Variants in UQCC6 observed in about 807,000 individuals in gnomAD.
The protein encoded by UQCC6 is ubiquinol-cytochrome c reductase complex assembly factor 6.
chr12:103,957,037 G>T, the UQCC6 span: 1 of 410,466 alleles, frequency 2.4e-6, no homozygotes, highest in Non-Finnish European at 4.5e-6. Flanking sequence ...GCGGAAAACC[G>T]ATACCAGGTC....
the UQCC6 span, chr12:103,951,307 C>A: frequency 2.4e-6 from 1 of 414,014 alleles, no homozygotes; most frequent in Non-Finnish European, 4.3e-6. Flanking sequence ...ATCTTCCAAA[C>A]CATATTCATG....
At chr12:103,954,367 T>C in the UQCC6 span, among the ~76,000 whole-genome samples, 1 of 152,210 alleles carries the variant, frequency 6.6e-6, no homozygotes, top group Non-Finnish European at 1.5e-5. Flanking sequence ...TGTACAAGCA[T>C]GGCACCAACA....
the UQCC6 span, chr12:103,957,231 CA>C: frequency 1.3e-5 from 2 of 152,730 alleles, no homozygotes; most frequent in Non-Finnish European, 2.9e-5. Context: ...CCCGGGGCCG[CA>C]CCGGACAGGA....
chr12:103,962,286 AAG>A, the UQCC6 span, among the ~76,000 whole-genome samples: 1 of 152,096 alleles, frequency 6.6e-6, no homozygotes, highest in African/African-American at 2.4e-5. Context: ...TTAATTTTTT[AAG>A]AGAAGTTTTT....
At chr12:103,961,096 A>G in the UQCC6 span, among the ~76,000 whole-genome samples, 1 of 152,114 alleles carries the variant, frequency 6.6e-6, no homozygotes, top group Non-Finnish European at 1.5e-5. Flanking sequence ...GGTGGAAGAC[A>G]GTGATACTGA....
chr12:103,958,003 ATATT>A, the UQCC6 span, among the ~76,000 whole-genome samples: 15 of 139,000 alleles, frequency 1.1e-4, no homozygotes, highest in African/African-American at 2.1e-4. Flanking sequence ...TTTATAATAT[ATATT>A]TATTTTTAAT....
At chr12:103,956,632 A>G in the UQCC6 span, 5 of 1,546,138 alleles carry the variant, frequency 3.2e-6, no homozygotes, top group South Asian at 6.0e-5. Flanking sequence ...CGCACTCACC[A>G]GGTCCGGTCG....
the UQCC6 span, chr12:103,956,458 C>T: frequency 1.7e-6 from 1 of 575,922 alleles, no homozygotes; most frequent in Admixed American, 2.9e-5. Flanking sequence ...AGGTTTTGGG[C>T]CCAGGGCAAA....
the UQCC6 span, among the ~76,000 whole-genome samples, chr12:103,952,401 G>A: frequency 3.0e-4 from 45 of 152,220 alleles, no homozygotes; most frequent in East Asian, 8.7e-3. Flanking sequence ...CCATTGTATG[G>A]ATATACAATT....
the UQCC6 span, among the ~76,000 whole-genome samples, chr12:103,961,679 C>G: frequency 6.6e-6 from 1 of 152,168 alleles, no homozygotes; most frequent in Admixed American, 6.5e-5. Context: ...GCCTCAGCCT[C>G]CCGAGTAGCT....
At chr12:103,960,714 C>A in the UQCC6 span, among the ~76,000 whole-genome samples, 2 of 152,154 alleles carry the variant, frequency 1.3e-5, no homozygotes, top group Admixed American at 6.5e-5. Context: ...ACATACACGA[C>A]AGGTGGCCCC....
chr12:103,960,981 C>A, the UQCC6 span, among the ~76,000 whole-genome samples: 124 of 151,706 alleles, frequency 8.2e-4, no homozygotes, highest in African/African-American at 2.9e-3. Context: ...AACTGTAAAA[C>A]AGCCTCGGCC....
the UQCC6 span, chr12:103,965,473 C>A: frequency 6.6e-6 from 1 of 152,472 alleles, no homozygotes; most frequent in Non-Finnish European, 1.5e-5. Context: ...GCCTCGACGC[C>A]CAGGTTTTCC....
At chr12:103,956,680 G>T in the UQCC6 span, 2 of 1,551,724 alleles carry the variant, frequency 1.3e-6, no homozygotes, top group East Asian at 2.4e-5. Context: ...TGCGCACATG[G>T]CCAGGAGACT....
At chr12:103,956,914 A>C in the UQCC6 span, 4 of 576,480 alleles carry the variant, frequency 6.9e-6, no homozygotes, top group Non-Finnish European at 1.2e-5. Context: ...CTCCTTTACG[A>C]GCTGAGGGCA....
the UQCC6 span, among the ~76,000 whole-genome samples, chr12:103,958,132 C>G: frequency 1.3e-5 from 2 of 149,412 alleles, no homozygotes; most frequent in South Asian, 4.2e-4. Context: ...AGGGGAATCG[C>G]TTGAACCCAG....
chr12:103,954,479 A>C, the UQCC6 span, among the ~76,000 whole-genome samples: 1 of 152,138 alleles, frequency 6.6e-6, no homozygotes, highest in Non-Finnish European at 1.5e-5. Flanking sequence ...TGAGAGAGAG[A>C]GCCAGGTTCT....
At chr12:103,954,493 AAAC>A in the UQCC6 span, among the ~76,000 whole-genome samples, 1,046 of 152,298 alleles carry the variant, frequency 6.9e-3, 8 homozygotes, top group Middle Eastern at 0.02. Context: ...AGGTTCTTTT[AAAC>A]AACCAGCTCT....
the UQCC6 span, among the ~76,000 whole-genome samples, chr12:103,964,517 A>T: frequency 6.6e-6 from 1 of 152,202 alleles, no homozygotes; most frequent in Non-Finnish European, 1.5e-5. Context: ...AGCAACCCAC[A>T]GTGAGAGAAG....
Sources: allele counts gnomAD v4.1 joint callset (sites outside exome capture counted in the v4.1 genomes callset), GRCh38; gene constraint gnomAD v4.1.1; transcripts MANE v1.5; gene names NCBI Gene and HGNC (gene_info 2026-07-23, HGNC 2026-07-21).